HPS5: variants seen among roughly 807,000 people sequenced by gnomAD.
The protein encoded by HPS5 is BLOC-2 complex member HPS5.
Under a neutral mutation model 128.0 loss-of-function variants are expected in HPS5, and 83 were observed. The ratio of observed to expected loss-of-function variants is 0.65; its 90% confidence interval spans 0.54 to 0.78. HPS5 has a LOEUF of 0.78. Among genes scored for constraint, HPS5 ranks in the 30% least tolerant of loss-of-function variants. The pLI, the probability that HPS5 is intolerant of heterozygous loss-of-function variation, is 0.00. For missense variants in HPS5, 1,281 were observed against 1,326.2 expected, an observed-to-expected ratio of 0.97 and a Z score of 0.53; for synonymous variants, 475 against 470.2, an observed-to-expected ratio of 1.01 and a Z score of -0.13.
At chr11:18,318,293 C>T (rs1367899296) in intron 1 of HPS5, among the ~76,000 whole-genome samples, 7 of 152,188 alleles carry the variant, frequency 4.6e-5, no homozygotes, top group Non-Finnish European at 1.5e-5. Flanking sequence ...CATTAAAACG[C>T]AATCTTCTGT....
At chr11:18,321,340 T>C (rs1001991021) in intron 1 of HPS5, among the ~76,000 whole-genome samples, 7 of 152,220 alleles carry the variant, frequency 4.6e-5, no homozygotes, top group Non-Finnish European at 8.8e-5. Flanking sequence ...GTTTAATATA[T>C]GATGTTTATG....
At chr11:18,281,103 G>T (rs527406261) in intron 22 of HPS5, among the ~76,000 whole-genome samples, 178 of 146,918 alleles carry the variant, frequency 1.2e-3, no homozygotes, top group Non-Finnish European at 2.1e-3. Context: ...TTTTTTCAGA[G>T]TTTTGCTCTT....
In HPS5 at chr11:18,297,650, T is replaced by C. The variant is rs1012760914; in HGVS notation, c.1232A>G (p.Asn411Ser). Residue 411 changes from asparagine to serine, a missense_variant, in exon 11 of 23, where the codon AAT becomes AGT. By Grantham distance (46) the Asn-to-Ser change is conservative. Coordinates refer to ENST00000349215, the MANE Select transcript of HPS5 (RefSeq NM_181507.2). ...LKSQLDHGTYNDLISQLEELI... is the reference protein window; with the variant it reads ...LKSQLDHGTYSDLISQLEELI... ...TTCTTCCAGTTGAGAAATTAGATCATTGTAGGTGCCATGGTCCAGCTGAGA... is the reference window on the plus strand; with the variant it reads ...TTCTTCCAGTTGAGAAATTAGATCACTGTAGGTGCCATGGTCCAGCTGAGA... 12 of 1,613,870 alleles carry C rather than the reference T, an allele frequency of 7.4e-6. No individual in the cohort carries two copies. Among genetic ancestry groups the C allele is most frequent in the African/African-American group, 2.7e-5 (2 of 75,066 alleles).
intron 14 of HPS5, among the ~76,000 whole-genome samples, chr11:18,294,420 T>C (rs1287952954): frequency 6.6e-6 from 1 of 152,054 alleles, no homozygotes; most frequent in Non-Finnish European, 1.5e-5. Flanking sequence ...CCAGAGAGCA[T>C]CAGTGACATT....
rs1331195594 is a variant in HPS5, at chr11:18,291,574, G to GA, written c.2307dup (p.Pro770SerfsTer2). The GA allele has an allele frequency of 6.2e-7, 1 of 1,612,448 alleles. No individual in the cohort carries two copies. Among genetic ancestry groups the GA allele is most frequent in the South Asian group, 1.1e-5 (1 of 90,780 alleles). On this transcript the variant is annotated frameshift_variant, in exon 16 of 23. Transcript: ENST00000349215. LOFTEE classifies it high-confidence loss of function. Reference sequence around the variant, plus strand: ...AGGAACTGGCAAGCCAGAATTTCAGGAGAGTACTGTTGCAAAGTGTGGTCC... The same window carrying GA: ...AGGAACTGGCAAGCCAGAATTTCAGGAAGAGTACTGTTGCAAAGTGTGGTCC...
Position 18,296,843 on chromosome 11 carries a change from C to T in HPS5, c.1465G>A (p.Glu489Lys), listed in dbSNP as rs1399462384. ...CAACACTGATCTGGCAGGTCCTCTT[C>T]CTGCTGTGAGGTGAATTCTTTAAAT... ...ERFKEFTSQQ[E>K]EDLPDQCCGS... is the part of the protein sequence containing the mutation. Residue 489 changes from glutamate to lysine, a missense_variant, in exon 12 of 23, where the codon GAA (glutamate) becomes AAA (lysine). Physicochemically the swap from Glu to Lys is moderately conservative, Grantham distance 56. Transcript: ENST00000349215. The T allele has an allele frequency of 6.2e-7, 1 of 1,613,990 alleles. No individual in the cohort carries two copies. Among genetic ancestry groups the T allele is most frequent in the African/African-American group, 1.3e-5 (1 of 74,886 alleles).
At chr11:18,294,494 T>G (rs796081608) in intron 14 of HPS5, among the ~76,000 whole-genome samples, 5 of 152,216 alleles carry the variant, frequency 3.3e-5, no homozygotes, top group African/African-American at 1.2e-4. Flanking sequence ...GTCATCCTAC[T>G]CTTAATATAA....
At chr11:18,289,192 A>C (rs1024233708) in intron 16 of HPS5, among the ~76,000 whole-genome samples, 4 of 152,192 alleles carry the variant, frequency 2.6e-5, no homozygotes, top group African/African-American at 9.7e-5. Flanking sequence ...TTTTTTAAAA[A>C]AGTCATTTTT....
At chr11:18,281,082 ATTT>A (rs35143344) in intron 22 of HPS5, among the ~76,000 whole-genome samples, 3 of 140,810 alleles carry the variant, frequency 2.1e-5, no homozygotes, top group Non-Finnish European at 3.1e-5. Flanking sequence ...GGTACCAGTA[ATTT>A]TTTTTTTTTT....
rs748549269 is a variant in HPS5 at position 18,310,759 on chromosome 11, A to G, written c.459T>C (p.Asn153=). 6.2e-7 allele frequency: 1 copy of G among 1,613,838 alleles called. No individual in the cohort carries two copies. Among genetic ancestry groups the G allele is most frequent in the Admixed American group, 1.7e-5 (1 of 60,024 alleles). The part of the protein sequence containing the change: ...HAGKVSAIKL[N]TSKQAKAAAA... ...TTCTCACCTTTGCTTGTTTAGAAGT[A>G]TTGAGTTTGATAGCAGAAACCTTCC... Residue 153 remains asparagine (N), a synonymous_variant, in exon 5 of 23, where the codon AAT becomes AAC. Transcript: ENST00000349215.
chr11:18,311,240 C>T (rs940348220), intron 4 of HPS5, 147 bp downstream of exon 4: 1 of 676,556 alleles, frequency 1.5e-6, no homozygotes. Flanking sequence ...TTGCTGGGTA[C>T]TGAGAGATTT....
intron 22 of HPS5, 115 bp from the exon 23 acceptor site, chr11:18,280,057 T>C: frequency 1.9e-6 from 2 of 1,071,020 alleles, no homozygotes; most frequent in South Asian, 2.7e-5. Context: ...ATTCTGTGCA[T>C]TAAAAGACAC....
chr11:18,321,061 T>A (rs1033538993), intron 1 of HPS5, among the ~76,000 whole-genome samples: 4 of 152,270 alleles, frequency 2.6e-5, no homozygotes, highest in Non-Finnish European at 5.9e-5. Context: ...AGCAGAATGC[T>A]GATAATTGTT....
At chr11:18,300,788 T>A (rs1448057771) in intron 9 of HPS5, 40 bp downstream of exon 9, 1 of 1,018,566 alleles carries the variant, frequency 9.8e-7, no homozygotes, top group Non-Finnish European at 1.5e-6. Flanking sequence ...CAAATTTTCA[T>A]AAGCATGAGA....
intron 19 of HPS5, 143 bp downstream of exon 19, chr11:18,286,448 G>T (rs953028412): frequency 3.9e-6 from 3 of 766,442 alleles, no homozygotes; most frequent in African/African-American, 1.8e-5. Context: ...AAGGTTGAAG[G>T]GTTTAATCAC....
intron 2 of HPS5, among the ~76,000 whole-genome samples, chr11:18,317,257 ATTTTTT>A: frequency 7.6e-6 from 1 of 132,010 alleles, no homozygotes; most frequent in South Asian, 2.4e-4. Context: ...GGCCTGATAA[ATTTTTT>A]TTTTTTTTTT....
chr11:18,303,395 C>T (rs1005038443), intron 8 of HPS5, among the ~76,000 whole-genome samples: 1 of 152,146 alleles, frequency 6.6e-6, no homozygotes, highest in African/African-American at 2.4e-5. Context: ...GGTTGTCTAA[C>T]GTAAGCCTCT....
rs1178411600 is a variant in HPS5, at chr11:18,295,039, G to A, written c.1765C>T (p.Pro589Ser). Residue 589 changes from proline (P) to serine (S), a missense_variant, in exon 14 of 23, where the codon CCA becomes TCA. By Grantham distance (74) the Pro-to-Ser change is moderately conservative (BLOSUM62 -1). Transcript: ENST00000349215. ...CEEDVSSDTC[P>S]KEEDTEEEKE... ...GCTTACTCAGTGTCTTCCTCCTTTG[G>A]GCAGGTATCTGAACTCACATCCTCT... 1 of 1,613,938 alleles carries A rather than the reference G, an allele frequency of 6.2e-7. No homozygotes were observed. Among genetic ancestry groups the A allele is most frequent in the African/African-American group, 1.3e-5 (1 of 74,882 alleles).
chr11:18,310,311 T>TA (rs1353400525), intron 5 of HPS5, among the ~76,000 whole-genome samples: 4 of 152,136 alleles, frequency 2.6e-5, no homozygotes, highest in Non-Finnish European at 5.9e-5. Flanking sequence ...TCCATCCTGA[T>TA]AAAAAATATT....
Sources: gnomAD v4.1 joint callset for allele counts (sites outside exome capture counted in the v4.1 genomes callset) on GRCh38, gnomAD v4.1.1 for gene constraint, MANE v1.5 for transcripts, NCBI Gene and HGNC (gene_info 2026-07-23, HGNC 2026-07-21) for gene names.